STK10: variants seen among roughly 807,000 people sequenced by gnomAD.
The protein encoded by STK10 is serine/threonine-protein kinase 10.
STK10 carries 78 observed loss-of-function variants against 113.8 expected under a neutral mutation model. The observed-to-expected ratio is 0.69, with a 90% CI of 0.57 to 0.83. The LOEUF is 0.83. Ranked by LOEUF, STK10 falls within the 40% of genes least tolerant of loss-of-function variation. The probability of loss-of-function intolerance (pLI) is 0.00; values close to 1 mark genes in which losing one functional copy is unlikely to be tolerated. For missense variants in STK10, 1,109 were observed against 1,280.1 expected, an observed-to-expected ratio of 0.87 and a Z score of 2.04; for synonymous variants, 465 against 494.7, an observed-to-expected ratio of 0.94 and a Z score of 0.80.
chr5:172,164,215 A>G (rs1770523739), intron 1 of STK10, among the ~76,000 whole-genome samples: 1 of 148,982 alleles, frequency 6.7e-6, no homozygotes, highest in Admixed American at 6.6e-5. Context: ...TCCATCTAAA[A>G]AAAAAAAAAA....
chr5:172,073,902 T>A (rs1208461259), intron 12 of STK10, among the ~76,000 whole-genome samples: 1 of 150,070 alleles, frequency 6.7e-6, no homozygotes, highest in African/African-American at 2.5e-5. Context: ...GAGGCGGAGG[T>A]TGTAGTGAGC....
chr5:172,106,555 C>G, intron 6 of STK10, 65 bp downstream of exon 6: 1 of 1,508,156 alleles, frequency 6.6e-7, no homozygotes, highest in Non-Finnish European at 8.9e-7. Flanking sequence ...GCCCCGTCCA[C>G]CACATATTCC....
intron 13 of STK10, 158 bp from the exon 14 acceptor site, chr5:172,061,426 C>A: frequency 9.9e-7 from 1 of 1,005,862 alleles, no homozygotes; most frequent in Middle Eastern, 3.4e-4. Context: ...CTTAGAGACG[C>A]ATCAACCAAT....
intron 12 of STK10, among the ~76,000 whole-genome samples, chr5:172,072,226 T>G (rs1043893392): frequency 2.0e-5 from 3 of 152,196 alleles, no homozygotes; most frequent in South Asian, 4.1e-4. Context: ...TGAAATTGAT[T>G]GGCATACTAG....
chr5:172,096,574 A>G lies in STK10; in HGVS notation c.871-14T>C, dbSNP rs116582433. ...GACGAAGGGATGCTGAGGGGGCAAG[A>G]TGCACCCAGATTAGAACCACTCTGG... is the stretch of plus-strand genomic sequence containing the variant. On this transcript the variant is annotated splice_polypyrimidine_tract_variant and intron_variant, in intron 7 of 18. Coordinates refer to ENST00000176763, the MANE Select transcript of STK10 (RefSeq NM_005990.4). 1.7e-3 allele frequency: 2,671 copies of G among 1,611,982 alleles called. 54 individuals are homozygous for G. In the African/African-American group the frequency reaches 0.032, roughly 20 times the overall value.
intron 1 of STK10, among the ~76,000 whole-genome samples, chr5:172,168,021 T>A (rs1770601240): frequency 1.3e-5 from 2 of 152,170 alleles, no homozygotes; most frequent in Non-Finnish European, 2.9e-5. Context: ...CCTGGCTGAG[T>A]GGCAGGTGTG....
chr5:172,159,442 T>TGCTTGA (rs1770421778), intron 1 of STK10, among the ~76,000 whole-genome samples: 1 of 152,090 alleles, frequency 6.6e-6, no homozygotes, highest in Admixed American at 6.6e-5. Context: ...CTTGAGAGGC[T>TGCTTGA]GAGGCGGGAG....
At chr5:172,107,156 C>A in intron 5 of STK10, 1 of 258,058 alleles carries the variant, frequency 3.9e-6, no homozygotes, top group Non-Finnish European at 7.4e-6. Flanking sequence ...GAGAAGACAC[C>A]AGCACAGAGA....
At chr5:172,052,856 T>C in intron 18 of STK10, 73 bp downstream of exon 18, 4 of 1,435,376 alleles carry the variant, frequency 2.8e-6, no homozygotes, top group Non-Finnish European at 3.9e-6. Flanking sequence ...AGACCTAACA[T>C]GTCCTGGCCA....
At chr5:172,117,844 C>T (rs1318722479) in intron 3 of STK10, among the ~76,000 whole-genome samples, 3 of 152,056 alleles carry the variant, frequency 2.0e-5, no homozygotes, top group South Asian at 4.1e-4. Context: ...GAAATCCCAC[C>T]TCTACTAAAA....
At chr5:172,087,107 AGTGTGTGTGTGTGTGTGTGTGTGTGTGT>A (rs201052929) in intron 10 of STK10, among the ~76,000 whole-genome samples, 1 of 128,860 alleles carries the variant, frequency 7.8e-6, no homozygotes, top group Non-Finnish European at 1.6e-5. Flanking sequence ...AGATGACACC[AGTGTGTGTGTGTGTGTGTGTGTGTGTGT>A]GTGTGTGTGT....
intron 1 of STK10, among the ~76,000 whole-genome samples, chr5:172,185,012 A>G (rs1258465312): frequency 6.6e-6 from 1 of 152,088 alleles, no homozygotes; most frequent in African/African-American, 2.4e-5. Flanking sequence ...GAGAACCAAG[A>G]GGAGACAGTA....
chr5:172,102,020 C>G (rs1376359017), intron 7 of STK10, among the ~76,000 whole-genome samples: 1 of 152,020 alleles, frequency 6.6e-6, no homozygotes, highest in Non-Finnish European at 1.5e-5. Context: ...TCTGGGTTTT[C>G]CCTAGAGTGA....
chr5:172,073,768 G>A (rs1241170137), intron 12 of STK10, among the ~76,000 whole-genome samples: 2 of 113,620 alleles, frequency 1.8e-5, no homozygotes, highest in East Asian at 2.3e-4. Flanking sequence ...CCAACATGGT[G>A]AAACCCCATC....
intron 1 of STK10, among the ~76,000 whole-genome samples, chr5:172,178,425 G>C (rs963637640): frequency 6.6e-6 from 1 of 152,158 alleles, no homozygotes; most frequent in Non-Finnish European, 1.5e-5. Context: ...TCGGCTGGCT[G>C]CCTGCTTGTC....
At chr5:172,064,353 T>C in intron 13 of STK10, 1 of 249,802 alleles carries the variant, frequency 4.0e-6, no homozygotes, top group Non-Finnish European at 7.9e-6. Context: ...ACATCACAAG[T>C]TTGATGTCCT....
intron 2 of STK10, among the ~76,000 whole-genome samples, chr5:172,156,135 C>A (rs780950278): frequency 6.6e-6 from 1 of 152,166 alleles, no homozygotes; most frequent in African/African-American, 2.4e-5. Flanking sequence ...CGAGAAGGAT[C>A]TCCATGTAAC....
chr5:172,068,896 A>C (rs914810000), intron 12 of STK10, among the ~76,000 whole-genome samples: 1 of 149,782 alleles, frequency 6.7e-6, no homozygotes, highest in Non-Finnish European at 1.5e-5. Flanking sequence ...AAAAAAAAAA[A>C]CAAAACCAAA....
intron 9 of STK10, among the ~76,000 whole-genome samples, chr5:172,091,525 A>G (rs1581151103): frequency 7.0e-6 from 1 of 143,776 alleles, no homozygotes; most frequent in South Asian, 2.1e-4. Flanking sequence ...GTTGGTTTCA[A>G]AGCCTCTTTT....
Sources: gnomAD v4.1 joint callset for allele counts (sites outside exome capture counted in the v4.1 genomes callset) on GRCh38, gnomAD v4.1.1 for gene constraint, MANE v1.5 for transcripts, NCBI Gene and HGNC (gene_info 2026-07-23, HGNC 2026-07-21) for gene names.